The following PISD variants were observed in gnomAD, a reference collection of about 807,000 sequenced individuals.
The protein encoded by PISD is phosphatidylserine decarboxylase proenzyme, mitochondrial.
A neutral mutation model predicts 43.5 loss-of-function variants in PISD; 31 were observed. The observed-to-expected ratio is 0.71, with a 90% CI of 0.54 to 0.96. The LOEUF (loss-of-function observed/expected upper bound fraction) is 0.96. Ranked by LOEUF, PISD falls within the 40% of genes least tolerant of loss-of-function variation. The probability of loss-of-function intolerance (pLI) is 0.00; values close to 1 mark genes in which losing one functional copy is unlikely to be tolerated. For missense variants in PISD, 523 were observed against 548.4 expected (o/e 0.95, Z 0.46); for synonymous variants, 259 against 228.7 (o/e 1.13, Z -1.20).
chr22:31,635,168 AAAAACAAAAC>A lies in PISD; in HGVS notation c.321+12923_321+12932del, dbSNP rs75918790. On this transcript the variant is annotated intron_variant, in intron 3 of 7. Transcript: ENST00000439502. ...GCAACAAGAGTAAAACTCCGTCTCA[AAAAACAAAAC>A]AAAACAAAACAAAACTGCTTTTAGG... Among the ~76,000 whole-genome samples, 7 of 151,872 alleles carry A rather than the reference AAAAACAAAAC, an allele frequency of 4.6e-5. No homozygotes were observed. In the East Asian group the frequency reaches 5.8e-4, roughly 13 times the overall value.
At chr22:31,659,317 C>T (rs1333353273) in intron 1 of PISD, among the ~76,000 whole-genome samples, 2 of 152,126 alleles carry the variant, frequency 1.3e-5, no homozygotes, top group African/African-American at 4.8e-5. Context: ...TAGTAAAGTT[C>T]CTTGAAGACA....
chr22:31,626,080 C>A, intron 3 of PISD: 3 of 1,395,272 alleles, frequency 2.2e-6, no homozygotes, highest in Non-Finnish European at 2.8e-6. Flanking sequence ...GGCTTGCAGT[C>A]CAGTGCAAAA....
rs1262013913 is a variant in PISD at position 31,630,764 on chromosome 22, G to C, written c.322-8879C>G. 1.0e-6 allele frequency: 1 copy of C among 985,464 alleles called. No individual in the cohort carries two copies. Among genetic ancestry groups the C allele is most frequent in the Non-Finnish European group, 1.2e-6 (1 of 830,078 alleles). The allele number at this position is 985,464 out of a possible 1,614,324, so 61.0% of individuals were successfully genotyped here. ...GGCGCCTCCCTGAGAAGTCACCTGGGGCTCCCGGCAGGGCCGGGGCGCCGG... is the reference window on the plus strand; with the variant it reads ...GGCGCCTCCCTGAGAAGTCACCTGGCGCTCCCGGCAGGGCCGGGGCGCCGG... On this transcript the variant is annotated intron_variant, in intron 3 of 7. Transcript: ENST00000439502. This position sits in a 1 kb window ranked among gnomAD's most constrained non-coding sequence, Gnocchi z 4.4.
At chr22:31,646,899 T>C (rs752499095) in intron 3 of PISD, among the ~76,000 whole-genome samples, 2 of 152,054 alleles carry the variant, frequency 1.3e-5, no homozygotes, top group East Asian at 1.9e-4. Context: ...GGTAGGTTAT[T>C]ACAAAGCCCA....
In PISD at chr22:31,637,498, C is replaced by T. The variant is rs190889206; in HGVS notation, c.321+10603G>A. On this transcript the variant is annotated intron_variant, in intron 3 of 7. Coordinates refer to ENST00000439502, the MANE Select transcript of PISD (RefSeq NM_001326411.2). Reference sequence around the variant, plus strand: ...TGGTCTCACGCCACTCTGAACCGGACCCTCCTCTGTACTTCCTCCTGCACC... The same window carrying T: ...TGGTCTCACGCCACTCTGAACCGGATCCTCCTCTGTACTTCCTCCTGCACC... Among the ~76,000 whole-genome samples the T allele has an allele frequency of 3.3e-3, 506 of 152,102 alleles. 2 individuals are homozygous for T. The highest frequency in any genetic ancestry group is 3.8e-3 in the Non-Finnish European group (256 of 68,002).
intron 3 of PISD, among the ~76,000 whole-genome samples, chr22:31,645,274 C>T (rs1283612421): frequency 6.6e-6 from 1 of 152,010 alleles, no homozygotes; most frequent in African/African-American, 2.4e-5. Context: ...TAGGATGGTA[C>T]ACGCTTATAT....
chr22:31,634,179 T>A (rs2073324450), intron 3 of PISD, among the ~76,000 whole-genome samples: 1 of 152,204 alleles, frequency 6.6e-6, no homozygotes, highest in African/African-American at 2.4e-5. Context: ...GTAAAAGGTG[T>A]CCTCAGCTAA....
chr22:31,621,304 C>T (rs2072553707), intron 5 of PISD, 30 bp downstream of exon 5: 1 of 1,613,032 alleles, frequency 6.2e-7, no homozygotes. Flanking sequence ...AGCAGCAGGG[C>T]TGCCTAGCCC....
intron 3 of PISD, among the ~76,000 whole-genome samples, chr22:31,624,414 T>G (rs552911220): frequency 9.9e-5 from 15 of 152,228 alleles, no homozygotes; most frequent in Admixed American, 9.8e-4. Context: ...GGGATATCCT[T>G]TTCATGGTTC....
At chr22:31,645,925 G>A (rs981922252) in intron 3 of PISD, among the ~76,000 whole-genome samples, 4 of 150,538 alleles carry the variant, frequency 2.7e-5, no homozygotes, top group South Asian at 2.1e-4. Context: ...GTTCAGACTT[G>A]GGTCACATCC....
intron 3 of PISD, among the ~76,000 whole-genome samples, chr22:31,631,595 G>A (rs979729570): frequency 1.3e-5 from 2 of 152,150 alleles, no homozygotes; most frequent in Non-Finnish European, 2.9e-5. Flanking sequence ...TTCCCACCCC[G>A]CTAGATCGGA....
At chr22:31,620,508 A>C (rs777322299) in intron 7 of PISD, 45 bp downstream of exon 7, 7 of 1,599,334 alleles carry the variant, frequency 4.4e-6, no homozygotes, top group Non-Finnish European at 6.0e-6. Flanking sequence ...GGTAGACCCA[A>C]GAGGTCTGGC....
chr22:31,625,520 T>C, intron 3 of PISD: 1 of 598,314 alleles, frequency 1.7e-6, no homozygotes, highest in Non-Finnish European at 3.0e-6. Context: ...AGGCATGAGG[T>C]CTGAGGCTCG....
chr22:31,656,940 G>C (rs1342054946), intron 1 of PISD, among the ~76,000 whole-genome samples: 1 of 151,946 alleles, frequency 6.6e-6, no homozygotes, highest in Admixed American at 6.6e-5. Context: ...CCCAAGAGTT[G>C]GCCCTCTTGA....
rs2074012357 is a variant in PISD at position 31,650,870 on chromosome 22, T to C, written c.66-92A>G. ...AAAATTTAAACACTCAATAACAATA[T>C]TGTAGCAATGTAAATGTCTTGGTTT... On this transcript the variant is annotated intron_variant, in intron 1 of 7. Transcript: ENST00000439502. The C allele has an allele frequency of 1.5e-5, 11 of 732,370 alleles. No homozygotes were observed. In the South Asian group the frequency reaches 1.9e-4, roughly 13 times the overall value. 45.4% of individuals were successfully genotyped at this position (732,370 alleles called of 1,614,324 possible). A position where few individuals can be genotyped will look rare whatever the true frequency, so the allele number is the denominator to read the frequency against.
chr22:31,637,105 C>T lies in PISD; in HGVS notation c.321+10996G>A, dbSNP rs1158108922. On this transcript the variant is annotated intron_variant, in intron 3 of 7. Coordinates refer to ENST00000439502, the MANE Select transcript of PISD (RefSeq NM_001326411.2). ...GAGGTTGAGACCTGCCTGGGCAACACGGCAAAACTCTACAAAAAAAAATAA... is the reference window on the plus strand; with the variant it reads ...GAGGTTGAGACCTGCCTGGGCAACATGGCAAAACTCTACAAAAAAAAATAA... 9.8e-5 allele frequency among the ~76,000 whole-genome samples: 13 copies of T among 132,234 alleles called. No individual in the cohort carries two copies. In the East Asian group the frequency reaches 1.3e-3, roughly 14 times the overall value. The allele number at this position is 132,234 out of a possible 152,430, so 86.8% of individuals were successfully genotyped here.
At chr22:31,643,659 T>G (rs1243076663) in intron 3 of PISD, among the ~76,000 whole-genome samples, 1 of 152,014 alleles carries the variant, frequency 6.6e-6, no homozygotes, top group Non-Finnish European at 1.5e-5. Flanking sequence ...CCTGTAATTC[T>G]AGCACTTTGG....
At chr22:31,647,966 C>G (rs2147784354) in intron 3 of PISD, 135 bp downstream of exon 3, 1 of 771,208 alleles carries the variant, frequency 1.3e-6, no homozygotes, top group East Asian at 2.7e-5. Flanking sequence ...CTGTATCTGG[C>G]CAAAACCTAC....
At chr22:31,639,930 A>G (rs752238881) in intron 3 of PISD, among the ~76,000 whole-genome samples, 22 of 151,946 alleles carry the variant, frequency 1.4e-4, no homozygotes, top group Non-Finnish European at 2.5e-4. Flanking sequence ...CTGAAAAGAA[A>G]CTCAGAGAAG....
Sources: gnomAD v4.1 joint callset for allele counts (sites outside exome capture counted in the v4.1 genomes callset) on GRCh38, gnomAD v4.1.1 for gene constraint, Gnocchi (gnomAD v3.1) non-coding constraint, MANE v1.5 for transcripts, NCBI Gene and HGNC (gene_info 2026-07-23, HGNC 2026-07-21) for gene names.